Variants in PCDHA6 observed in about 807,000 individuals in gnomAD.
PCDHA6 encodes protocadherin alpha-6.
In PCDHA6, 55 loss-of-function variants were observed where a neutral mutation model predicts 60.3. The ratio of observed to expected loss-of-function variants is 0.91; its 90% CI spans 0.73 to 1.14. The LOEUF is 1.14. Ranked by LOEUF, PCDHA6 falls within the 50% of genes most tolerant of loss-of-function variation. PCDHA6 has a pLI of 0.00. For synonymous variants in PCDHA6, 652 were observed against 557.9 expected (o/e 1.17, Z -2.38); for missense variants, 1,327 against 1,256.5 (o/e 1.06, Z -0.85).
rs1770532767 is a variant in PCDHA6 at position 140,829,742 on chromosome 5, C to T, written c.1651C>T (p.Leu551=). ...GCCGCCTCTGGGCAGCAACGTGACG[C>T]TGCAGGTGTTCGTGCTGGACGAGAA... is the stretch of plus-strand genomic sequence containing the variant. ...GVPPLGSNVT[L]QVFVLDENDN... The change falls in exon 1 of 4, where the codon CTG becomes TTG. Residue 551 remains leucine (L), a synonymous_variant. Coordinates refer to ENST00000529310, the MANE Select transcript of PCDHA6 (RefSeq NM_018909.4). 2 of 1,613,562 alleles carry T rather than the reference C, an allele frequency of 1.2e-6. No individual in the cohort carries two copies. The highest frequency in any genetic ancestry group is 1.7e-5 in the Admixed American group (1 of 59,992).
At chr5:140,851,219 C>A (rs2041993259) in intron 1 of PCDHA6, 5 of 1,147,562 alleles carry the variant, frequency 4.4e-6, no homozygotes, top group Non-Finnish European at 4.5e-6. Context: ...ACATTAACAT[C>A]ACTATCATTT....
intron 1 of PCDHA6, chr5:140,871,261 C>T (rs1554165342): frequency 3.1e-6 from 5 of 1,613,864 alleles, no homozygotes; most frequent in Admixed American, 3.3e-5. Context: ...GTATACGGCG[C>T]TGTGGTGGTC....
In PCDHA6 at chr5:140,937,678, T is replaced by C. The variant is rs570305485; in HGVS notation, c.2395-41271T>C. On this transcript the variant is annotated intron_variant, in intron 1 of 3. Coordinates refer to ENST00000529310, the MANE Select transcript of PCDHA6 (RefSeq NM_018909.4). ...CTGTAATCCCAGCACTTTGGGAGGC[T>C]GAGGCAGGCGGATCACGAGGTCAGG... Among the ~76,000 whole-genome samples the C allele has an allele frequency of 5.4e-3, 825 of 151,734 alleles. 2 individuals are homozygous for C. Among genetic ancestry groups the C allele is most frequent in the African/African-American group, 0.019 (794 of 41,384 alleles).
rs73793533 is a variant in PCDHA6 at position 140,949,932 on chromosome 5, T to A, written c.2395-29017T>A. On this transcript the variant is annotated intron_variant, in intron 1 of 3. Transcript: ENST00000529310. Reference sequence around the variant, plus strand: ...GATATAACTATTTTTAGATTTTTTTTAATTTGCATTTTTTAGTGGTTGCTG... The same window carrying A: ...GATATAACTATTTTTAGATTTTTTTAAATTTGCATTTTTTAGTGGTTGCTG... Among the ~76,000 whole-genome samples, 1,356 of 151,758 alleles carry A rather than the reference T, an allele frequency of 8.9e-3. 15 individuals carry two copies. The highest frequency in any genetic ancestry group is 0.032 in the African/African-American group (1,309 of 41,514).
intron 1 of PCDHA6, chr5:140,929,609 A>G: frequency 2.4e-6 from 1 of 410,256 alleles, no homozygotes; most frequent in Non-Finnish European, 4.4e-6. Flanking sequence ...TAAAAATAAA[A>G]TACCAAAATA....
chr5:140,929,326 G>A, intron 1 of PCDHA6: 1 of 1,538,470 alleles, frequency 6.5e-7, no homozygotes. Context: ...CAATGCCATG[G>A]TAAGCAAATT....
chr5:140,834,516 G>A (rs1433865569), intron 1 of PCDHA6: 5 of 1,613,992 alleles, frequency 3.1e-6, no homozygotes, highest in African/African-American at 2.7e-5. Flanking sequence ...TGGCAACTTC[G>A]TGGGCCGCAT....
At chr5:140,849,834 G>C in intron 1 of PCDHA6, 1 of 1,598,606 alleles carries the variant, frequency 6.3e-7, no homozygotes, top group South Asian at 1.1e-5. Flanking sequence ...GGAGGTGGCC[G>C]ACGTGAACGA....
intron 1 of PCDHA6, chr5:140,926,742 C>A: frequency 8.3e-7 from 1 of 1,199,336 alleles, no homozygotes; most frequent in Non-Finnish European, 1.1e-6. Flanking sequence ...GGAGGCGCAA[C>A]GTCGGCGGTC....
intron 1 of PCDHA6, chr5:140,876,078 A>C (rs2056099570): frequency 6.2e-7 from 1 of 1,613,868 alleles, no homozygotes; most frequent in Non-Finnish European, 8.5e-7. Flanking sequence ...TATTGGACAG[A>C]GAGCAAACGC....
chr5:140,863,770 G>A (rs953823411), intron 1 of PCDHA6: 6 of 240,128 alleles, frequency 2.5e-5, no homozygotes, highest in Non-Finnish European at 4.1e-5. Context: ...AAGCCGAGGC[G>A]GGCGGATCAC....
At chr5:140,930,814 T>A (rs1554208117) in intron 1 of PCDHA6, among the ~76,000 whole-genome samples, 1 of 152,210 alleles carries the variant, frequency 6.6e-6, no homozygotes, top group Non-Finnish European at 1.5e-5. Flanking sequence ...AAGATATGCT[T>A]AGTAAATGCT....
intron 1 of PCDHA6, chr5:140,841,464 T>C (rs2150316083): frequency 2.1e-5 from 34 of 1,612,868 alleles, no homozygotes; most frequent in Admixed American, 3.3e-5. Flanking sequence ...GTGGGCCGGA[T>C]CGCGCAGGAC....
intron 3 of PCDHA6, among the ~76,000 whole-genome samples, chr5:140,990,137 G>C (rs548002411): frequency 2.0e-4 from 31 of 152,224 alleles, no homozygotes; most frequent in African/African-American, 7.2e-4. Context: ...TCAGACTCAA[G>C]AGGCATAATA....
At chr5:140,851,088 A>G in intron 1 of PCDHA6, 2 of 1,298,258 alleles carry the variant, frequency 1.5e-6, no homozygotes, top group Non-Finnish European at 2.0e-6. Flanking sequence ...TGTATATTAA[A>G]TAGATATTTT....
chr5:141,010,545 A>G lies in PCDHA6; in HGVS notation c.*608A>G. On this transcript the variant is annotated 3_prime_UTR_variant, in exon 4 of 4. Coordinates refer to ENST00000529310, the MANE Select transcript of PCDHA6 (RefSeq NM_018909.4). ...GGTGGCAGCCACCCTCTAGGAGACAAAACTACCCCCACTGACAAGGCTTTA... is the reference window on the plus strand; with the variant it reads ...GGTGGCAGCCACCCTCTAGGAGACAGAACTACCCCCACTGACAAGGCTTTA... 1 of 343,382 alleles carries G rather than the reference A, an allele frequency of 2.9e-6. No individual in the cohort carries two copies. 21.3% of individuals were successfully genotyped at this position (343,382 alleles called of 1,614,324 possible).
At chr5:140,950,131 C>G (rs1030150193) in intron 1 of PCDHA6, among the ~76,000 whole-genome samples, 6 of 151,858 alleles carry the variant, frequency 4.0e-5, no homozygotes, top group Non-Finnish European at 7.4e-5. Flanking sequence ...CCACAAGACA[C>G]AGTTATAATT....
In PCDHA6 at chr5:140,870,564, G is replaced by A. The variant is rs782511789; in HGVS notation, c.2394+40079G>A. ...GGGACGCGGACGCGCAGGAGAACGCGCTGGTGTCCTACTCGCTGGTGGAGC... is the reference window on the plus strand; with the variant it reads ...GGGACGCGGACGCGCAGGAGAACGCACTGGTGTCCTACTCGCTGGTGGAGC... On this transcript the variant is annotated intron_variant, in intron 1 of 3. Coordinates refer to ENST00000529310, the MANE Select transcript of PCDHA6 (RefSeq NM_018909.4). 2.5e-6 allele frequency: 4 copies of A among 1,613,884 alleles called. No individual in the cohort carries two copies. In the African/African-American group the frequency reaches 4.0e-5, roughly 16 times the overall value.
chr5:140,993,530 AG>A (rs2097570679), intron 3 of PCDHA6, among the ~76,000 whole-genome samples: 7 of 152,044 alleles, frequency 4.6e-5, no homozygotes, highest in African/African-American at 1.7e-4. Context: ...AGACAGAGAG[AG>A]AGAGAGATAG....
Sources: gnomAD v4.1 joint callset for allele counts (sites outside exome capture counted in the v4.1 genomes callset) on GRCh38, gnomAD v4.1.1 for gene constraint, MANE v1.5 for transcripts, NCBI Gene and HGNC (gene_info 2026-07-23, HGNC 2026-07-21) for gene names.